Variants in GBP3 observed in about 807,000 individuals in gnomAD.
The protein encoded by GBP3 is guanylate-binding protein 3.
In GBP3, 55 loss-of-function variants were observed where a neutral mutation model predicts 62.4. The ratio of observed to expected loss-of-function variants is 0.88; its 90% CI spans 0.71 to 1.10. The LOEUF (loss-of-function observed/expected upper bound fraction) is 1.10, where lower values mean the gene tolerates loss of function less well. Ranked by LOEUF, GBP3 falls within the 50% of genes least tolerant of loss-of-function variation. GBP3 has a pLI of 0.00. For synonymous variants in GBP3, 208 were observed against 259.2 expected (o/e 0.80, Z 1.90); for missense variants, 605 against 690.6 (o/e 0.88, Z 1.39).
At position 89,009,085 on chromosome 1, in the gene GBP3, C is replaced by T. The variant is rs764179425; in HGVS notation, c.1521G>A (p.Met507Ile). 8.1e-6 allele frequency: 13 copies of T among 1,614,034 alleles called. No individual in the cohort carries two copies. Among genetic ancestry groups the T allele is most frequent in the African/African-American group, 1.3e-5 (1 of 74,926 alleles). ...AQASAKMVEEMQIKYQQMMEE... is the reference protein window; with the variant it reads ...AQASAKMVEEIQIKYQQMMEE... ...CCATCATCTGCTGATACTTTATTTG[C>T]ATTTCCTCCACCATTTTTGCTGAAG... is the stretch of plus-strand genomic sequence containing the variant. The change falls in exon 10 of 11, where the codon ATG becomes ATA. Residue 507 changes from methionine (M) to isoleucine (I), a missense_variant. Met to Ile is a conservative substitution (Grantham distance 10). Around this residue, in one of 3 missense-constraint regions of GBP3, gnomAD observed 160 missense variants for 147.8 expected, o/e 1.08. Coordinates refer to ENST00000370481, the MANE Select transcript of GBP3 (RefSeq NM_018284.3).
At position 89,013,184 on chromosome 1, in the gene GBP3, C is replaced by A; in HGVS notation, c.868+1G>T. 1.2e-6 allele frequency: 2 copies of A among 1,612,776 alleles called. No individual in the cohort carries two copies. Among genetic ancestry groups the A allele is most frequent in the Non-Finnish European group, 1.7e-6 (2 of 1,178,944 alleles). ...GTGGAAGTACTACGAAGGGGACTTA[C>A]GAGGCCCATTGACCTTGATGCCTCC... is the stretch of plus-strand genomic sequence containing the variant. On this transcript the variant is annotated splice_donor_variant, in intron 6 of 10. Transcript: ENST00000370481. LOFTEE classifies it high-confidence loss of function.
At position 89,010,918 on chromosome 1, in the gene GBP3, T is replaced by C; in HGVS notation, c.1348A>G (p.Arg450Gly). 1 of 1,461,994 alleles carries C rather than the reference T, an allele frequency of 6.8e-7. No individual in the cohort carries two copies. The highest frequency in any genetic ancestry group is 9.5e-7 in the Non-Finnish European group (1 of 1,055,202). 90.6% of individuals were successfully genotyped at this position (1,461,994 alleles called of 1,614,324 possible). A position where few individuals can be genotyped will look rare whatever the true frequency, so the allele number is the denominator to read the frequency against. ...ATCTTGGTTACCTGTATCCCCTTCCTTGGTTCCTCATAGTACTTTTTCTCC... is the reference window on the plus strand; with the variant it reads ...ATCTTGGTTACCTGTATCCCCTTCCCTGGTTCCTCATAGTACTTTTTCTCC... ...DLEKKYYEEP[R>G]KGIQAEEILQ... Residue 450 changes from arginine (R) to glycine (G), a missense_variant, in exon 8 of 11, where the codon AGG (arginine) becomes GGG (glycine). Transcript: ENST00000370481.
chr1:89,020,794 G>A (rs1002344613), intron 1 of GBP3, 51 bp from the exon 2 acceptor site: 1 of 1,533,532 alleles, frequency 6.5e-7, no homozygotes. Flanking sequence ...TTTGCATTTA[G>A]AGGATAGAGT....
At position 89,020,557 on chromosome 1, in the gene GBP3, C is replaced by G; in HGVS notation, c.165G>C (p.Met55Ile). Residue 55 changes from methionine (M) to isoleucine (I), a missense_variant, in exon 2 of 11, where the codon ATG becomes ATC. By Grantham distance (10) the Met-to-Ile change is conservative (BLOSUM62 1). Coordinates refer to ENST00000370481, the MANE Select transcript of GBP3 (RefSeq NM_018284.3). ...GLYRTGKSYL[M>I]NKLAGKNKGF... ...CCTTATTCTTCCCAGCTAGCTTGTT[C>G]ATCAGGTAGGATTTTCCTGTGCGGT... is the stretch of plus-strand genomic sequence containing the variant. 1.2e-6 allele frequency: 2 copies of G among 1,614,154 alleles called. No individual in the cohort carries two copies. Among genetic ancestry groups the G allele is most frequent in the Admixed American group, 1.7e-5 (1 of 60,014 alleles).
intron 5 of GBP3, 26 bp downstream of exon 5, chr1:89,014,057 A>C: frequency 6.2e-7 from 1 of 1,607,596 alleles, no homozygotes; most frequent in Non-Finnish European, 8.5e-7. Flanking sequence ...TGTCGTCCTC[A>C]TTTATCAATG....
intron 2 of GBP3, among the ~76,000 whole-genome samples, chr1:89,018,843 C>T (rs1372462030): frequency 6.6e-6 from 1 of 152,216 alleles, no homozygotes; most frequent in Admixed American, 6.5e-5. Context: ...CTGTGACCCC[C>T]CTGGACCCAG....
Position 89,009,004 on chromosome 1 carries a change from C to T in GBP3, c.1602G>A (p.Glu534=), listed in dbSNP as rs148387405. Residue 534 remains glutamate (E), a synonymous_variant, in exon 10 of 11, where the codon GAG becomes GAA. Coordinates refer to ENST00000370481, the MANE Select transcript of GBP3 (RefSeq NM_018284.3). ...EHVKQLTEKM[E]RERAQLLEEQ... is the part of the protein sequence containing the mutation. ...CTTCCAGCAACTGGGCCCTCTCCCTCTCCATCTTCTCAGTCAATTGTTTCA... is the reference window on the plus strand; with the variant it reads ...CTTCCAGCAACTGGGCCCTCTCCCTTTCCATCTTCTCAGTCAATTGTTTCA... 13 of 1,614,124 alleles carry T rather than the reference C, an allele frequency of 8.1e-6. No homozygotes were observed. The Admixed American group carries it at 2.2e-4, about 27-fold the overall frequency.
At chr1:89,021,544 A>ACACAC (rs761151308) in intron 1 of GBP3, among the ~76,000 whole-genome samples, 6 of 140,946 alleles carry the variant, frequency 4.3e-5, no homozygotes, top group Non-Finnish European at 6.2e-5. Context: ...ACACACACAC[A>ACACAC]CCCCAAAAAA....
At chr1:89,021,580 A>T (rs1479580395) in intron 1 of GBP3, among the ~76,000 whole-genome samples, 2 of 151,806 alleles carry the variant, frequency 1.3e-5, no homozygotes, top group African/African-American at 4.8e-5. Flanking sequence ...CAACAGCAAC[A>T]ACAAAAAACC....
chr1:89,014,503 T>C (rs754049919), intron 4 of GBP3, 44 bp downstream of exon 4: 1 of 1,614,056 alleles, frequency 6.2e-7, no homozygotes, highest in Non-Finnish European at 8.5e-7. Flanking sequence ...TGAATACAGG[T>C]GTCCCCTCTG....
intron 8 of GBP3, among the ~76,000 whole-genome samples, chr1:89,009,867 G>T (rs1678457925): frequency 6.6e-6 from 1 of 152,118 alleles, no homozygotes; most frequent in Non-Finnish European, 1.5e-5. Context: ...GAGAACTGTG[G>T]GGATGCAGGG....
intron 2 of GBP3, chr1:89,020,196 G>A: frequency 2.4e-6 from 1 of 420,210 alleles, no homozygotes; most frequent in Admixed American, 2.7e-5. Context: ...CTGAGATCTT[G>A]CCACTGTACT....
In GBP3 at chr1:89,013,514, G is replaced by C. The variant is rs1015391520; in HGVS notation, c.626-87C>G. ...AAATATTTTAGGCTCTGCAGGCTAG[G>C]TGGTCTCTTTTCCAAGTACTCAACT... On this transcript the variant is annotated intron_variant, in intron 5 of 10. Coordinates refer to ENST00000370481, the MANE Select transcript of GBP3 (RefSeq NM_018284.3). 1.5e-5 allele frequency: 20 copies of C among 1,377,840 alleles called. No individual in the cohort carries two copies. The Admixed American group carries it at 1.8e-4, about 12-fold the overall frequency. The allele number at this position is 1,377,840 out of a possible 1,614,324, so 85.4% of individuals were successfully genotyped here.
intron 3 of GBP3, among the ~76,000 whole-genome samples, 183 bp downstream of exon 3, chr1:89,015,104 A>G (rs1678815080): frequency 6.6e-6 from 1 of 152,176 alleles, no homozygotes; most frequent in South Asian, 2.1e-4. Context: ...ATGCTTTGCT[A>G]GGATTCTGTC....
Position 89,014,115 on chromosome 1 carries a change from T to G in GBP3, c.593A>C (p.Glu198Ala), listed in dbSNP as rs143690907. 5.0e-6 allele frequency: 8 copies of G among 1,614,234 alleles called. No individual in the cohort carries two copies. In the East Asian group the frequency reaches 1.6e-4, roughly 31 times the overall value. Residue 198 changes from glutamate (E) to alanine (A), a missense_variant, in exon 5 of 11, where the codon GAG becomes GCG. Around this residue, in one of 3 missense-constraint regions of GBP3, gnomAD observed 308 missense variants for 318.0 expected, o/e 0.97. Transcript: ENST00000370481. ...TAGCTTCAGGGAATACTCCAGGTACTCATCTGGTGTGAGGGGTTGTCCATC... is the reference window on the plus strand; with the variant it reads ...TAGCTTCAGGGAATACTCCAGGTACGCATCTGGTGTGAGGGGTTGTCCATC... The part of the protein sequence containing the change: ...EADGQPLTPD[E>A]YLEYSLKLTQ...
chr1:89,022,308 A>T (rs1261795340), intron 1 of GBP3, among the ~76,000 whole-genome samples: 1 of 152,198 alleles, frequency 6.6e-6, no homozygotes, highest in Non-Finnish European at 1.5e-5. Flanking sequence ...TCTTAGCTGC[A>T]TAGGAGCAGG....
Position 89,014,577 on chromosome 1 carries a change from G to A in GBP3, c.398C>T (p.Thr133Ile), listed in dbSNP as rs768737480. Residue 133 changes from threonine (T) to isoleucine (I), a missense_variant, in exon 4 of 11, where the codon ACC becomes ATC. Around this residue, in one of 3 missense-constraint regions of GBP3, gnomAD observed 308 missense variants for 318.0 expected, o/e 0.97. Coordinates refer to ENST00000370481, the MANE Select transcript of GBP3 (RefSeq NM_018284.3). Reference protein sequence around the residue: ...SSTLVYNSMGTINQQAMDQLY... With the variant: ...SSTLVYNSMGIINQQAMDQLY... ...TTGGTCCATAGCCTGCTGGTTGATG[G>A]TTCCCATGCTATTGTACACGAGAGT... The A allele has an allele frequency of 7.4e-6, 12 of 1,613,954 alleles. No individual in the cohort carries two copies. The highest frequency in any genetic ancestry group is 3.3e-5 in the Admixed American group (2 of 59,998).
chr1:89,017,255 C>T (rs1678933073), intron 2 of GBP3, among the ~76,000 whole-genome samples: 1 of 150,002 alleles, frequency 6.7e-6, no homozygotes, highest in South Asian at 2.1e-4. Flanking sequence ...TCATTCAACG[C>T]AGAAAGAGGA....
In GBP3 at chr1:89,010,931, G is replaced by A. The variant is rs751178947; in HGVS notation, c.1335C>T (p.Tyr445=). The A allele has an allele frequency of 6.8e-7, 1 of 1,461,756 alleles. No individual in the cohort carries two copies. Among genetic ancestry groups the A allele is most frequent in the South Asian group, 1.2e-5 (1 of 84,698 alleles). The allele number at this position is 1,461,756 out of a possible 1,614,324, so 90.5% of individuals were successfully genotyped here. ...IQKLQDLEKK[Y]YEEPRKGIQA... is the part of the protein sequence containing the mutation. Reference sequence around the variant, plus strand: ...GTATCCCCTTCCTTGGTTCCTCATAGTACTTTTTCTCCAGGTCTTGTAGCT... The same window carrying A: ...GTATCCCCTTCCTTGGTTCCTCATAATACTTTTTCTCCAGGTCTTGTAGCT... The change falls in exon 8 of 11, where the codon TAC becomes TAT. Residue 445 remains tyrosine, a synonymous_variant. Transcript: ENST00000370481.
Sources: gnomAD v4.1 joint callset for allele counts (sites outside exome capture counted in the v4.1 genomes callset) on GRCh38, gnomAD v4.1.1 for gene constraint, gnomAD v4.1.1 regional missense constraint, MANE v1.5 for transcripts, NCBI Gene and HGNC (gene_info 2026-07-23, HGNC 2026-07-21) for gene names.